The following MAGEC1 variants were observed in gnomAD, a reference collection of about 807,000 sequenced individuals.
MAGEC1 encodes the protein melanoma-associated antigen C1.
In MAGEC1, 3 loss-of-function variants were observed where a neutral mutation model predicts 1.5. The observed-to-expected ratio is 1.97, with a 90% CI of 0.90 to 5.10. The LOEUF is 5.10. Ranked by LOEUF, MAGEC1 falls within the 30% of genes most tolerant of loss-of-function variation. MAGEC1 has a pLI of 0.02. For synonymous variants in MAGEC1, 357 were observed against 310.4 expected (o/e 1.15, Z -1.58); for missense variants, 985 against 803.1 (o/e 1.23, Z -2.74).
chrX:141,904,559 G>A (rs1239225877), intron 1 of MAGEC1, among the ~76,000 whole-genome samples, 158 bp from the exon 2 acceptor site: 1 of 111,226 alleles, frequency 9.0e-6, no homozygotes, highest in Admixed American at 9.5e-5. Context: ...TTTTCCTCAG[G>A]CCAGCAGAGT....
Position 141,907,239 on chromosome X carries a change from C to T in MAGEC1, c.1835C>T (p.Pro612Leu), listed in dbSNP as rs1405190650. 8.3e-7 allele frequency: 1 copy of T among 1,211,127 alleles called. No homozygotes were observed. The highest frequency in any genetic ancestry group is 2.2e-5 in the Admixed American group (1 of 46,043). ...GACTCCATGTCTCCTCTCTACTTTC[C>T]TCAGAGTCCTCTTCAGGGGGAGGAA... is the stretch of plus-strand genomic sequence containing the variant. ...GEDSMSPLYF[P>L]QSPLQGEEFQ... The change falls in exon 4 of 4, where the codon CCT (proline) becomes CTT (leucine). Residue 612 changes from proline (P) to leucine (L), a missense_variant. By Grantham distance (98) the Pro-to-Leu change is moderately conservative. Transcript: ENST00000285879.
At position 141,906,620 on chromosome X, in the gene MAGEC1, TCTC is replaced by T. The variant is rs1926910980; in HGVS notation, c.1220_1222del (p.Pro407del). Reference sequence around the variant, plus strand: ...CAGTACTTTTGAGGGTTTTCCCCAGTCTCCTCTCCAGATTCCTATGACCTCCTC... The same window carrying T: ...CAGTACTTTTGAGGGTTTTCCCCAGTCTCTCCAGATTCCTATGACCTCCTC... On this transcript the variant is annotated inframe_deletion, in exon 4 of 4. Coordinates refer to ENST00000285879, the MANE Select transcript of MAGEC1 (RefSeq NM_005462.5). 1 of 1,193,161 alleles carries T rather than the reference TCTC, an allele frequency of 8.4e-7. No individual in the cohort carries two copies.
rs779629464 is a variant in MAGEC1 at position 141,908,641 on chromosome X, C to T, written c.3237C>T (p.Val1079=). ...FLWGPRAHSE[V]IKRKVVEFLA... Reference sequence around the variant, plus strand: ...GGGGTCCAAGAGCTCATTCAGAAGTCATTAAGAGGAAAGTAGTAGAGTTTT... The same window carrying T: ...GGGGTCCAAGAGCTCATTCAGAAGTTATTAAGAGGAAAGTAGTAGAGTTTT... Residue 1079 remains valine (V), a synonymous_variant, in exon 4 of 4, where the codon GTC becomes GTT. Transcript: ENST00000285879. 7.4e-6 allele frequency: 9 copies of T among 1,211,094 alleles called. No individual in the cohort carries two copies. In the Admixed American group the frequency reaches 1.7e-4, roughly 23 times the overall value.
In MAGEC1 at chrX:141,905,497, C is replaced by T. The variant is rs1478561848; in HGVS notation, c.93C>T (p.Ser31=). 4 of 1,210,172 alleles carry T rather than the reference C, an allele frequency of 3.3e-6. No homozygotes were observed. Among genetic ancestry groups the T allele is most frequent in the Non-Finnish European group, 4.5e-6 (4 of 894,020 alleles). Residue 31 remains serine (S), a synonymous_variant, in exon 4 of 4, where the codon TCC becomes TCT. Transcript: ENST00000285879. ...AGAGTTGTCCTGAGGGGGAGGACTCCCAGTCTCCTCTCCAGATTCCCCAGA... is the reference window on the plus strand; with the variant it reads ...AGAGTTGTCCTGAGGGGGAGGACTCTCAGTCTCCTCTCCAGATTCCCCAGA... ...SPQSCPEGED[S]QSPLQIPQSS...
chrX:141,904,942 C>T lies in MAGEC1; in HGVS notation c.-103-28C>T, dbSNP rs2018167834. 3.9e-6 allele frequency: 4 copies of T among 1,014,130 alleles called. No individual in the cohort carries two copies. In the East Asian group the frequency reaches 9.2e-5, roughly 23 times the overall value. 83.6% of individuals were successfully genotyped at this position (1,014,130 alleles called of 1,213,427 possible). A position where few individuals can be genotyped will look rare whatever the true frequency, so the allele number is the denominator to read the frequency against. On this transcript the variant is annotated intron_variant, in intron 2 of 3. Coordinates refer to ENST00000285879, the MANE Select transcript of MAGEC1 (RefSeq NM_005462.5). ...CAGGCTCTGCCTGCCAGCTGTGCCCCGAGGTGCTTTCTCGCGTCCTTCTAC... is the reference window on the plus strand; with the variant it reads ...CAGGCTCTGCCTGCCAGCTGTGCCCTGAGGTGCTTTCTCGCGTCCTTCTAC...
rs1926941531 is a variant in MAGEC1 at position 141,906,923 on chromosome X, G to A, written c.1519G>A (p.Glu507Lys). 6 of 1,211,847 alleles carry A rather than the reference G, an allele frequency of 5.0e-6. No homozygotes were observed. The highest frequency in any genetic ancestry group is 6.7e-6 in the Non-Finnish European group (6 of 895,530). ...CCCTGAGTGTACTCAAAGTACTTTT[G>A]AGGGTTTTCCCCAGTCTCCTCTCCA... is the stretch of plus-strand genomic sequence containing the variant. Reference protein sequence around the residue: ...SSPECTQSTFEGFPQSPLQIP... With the variant: ...SSPECTQSTFKGFPQSPLQIP... Residue 507 changes from glutamate (E) to lysine (K), a missense_variant, in exon 4 of 4, where the codon GAG becomes AAG. Physicochemically the swap from Glu to Lys is moderately conservative, Grantham distance 56. Transcript: ENST00000285879.
chrX:141,907,064 CAG>C lies in MAGEC1; in HGVS notation c.1661_1662del (p.Gln554ArgfsTer92), dbSNP rs775907182. 173 of 1,200,056 alleles carry C rather than the reference CAG, an allele frequency of 1.4e-4. No homozygotes were observed. The East Asian group carries it at 3.6e-3, about 25-fold the overall frequency. On this transcript the variant is annotated frameshift_variant, in exon 4 of 4. Transcript: ENST00000285879. LOFTEE classifies it low-confidence loss of function (END_TRUNC). ...SPHYFPQSPP[Q>X]GEDSLSPHYF... Reference sequence around the variant, plus strand: ...TCACTACTTTCCTCAGAGCCCTCCTCAGGGGGAGGACTCCCTATCTCCTCACT... The same window carrying C: ...TCACTACTTTCCTCAGAGCCCTCCTCGGGGAGGACTCCCTATCTCCTCACT...
chrX:141,905,221 C>T, intron 3 of MAGEC1, 145 bp downstream of exon 3: 1 of 997,711 alleles, frequency 1.0e-6, no homozygotes, highest in Non-Finnish European at 1.4e-6. Context: ...TTCCACGCCC[C>T]AGCTTTGAGC....
intron 3 of MAGEC1, 111 bp downstream of exon 3, chrX:141,905,187 T>C: frequency 9.2e-7 from 1 of 1,087,023 alleles, no homozygotes; most frequent in South Asian, 1.9e-5. Flanking sequence ...TGAACAATAT[T>C]CATCATGCCT....
At chrX:141,905,308 T>C (rs1419785807) in intron 3 of MAGEC1, 101 bp from the exon 4 acceptor site, 1 of 874,150 alleles carries the variant, frequency 1.1e-6, no homozygotes, top group African/African-American at 2.0e-5. Flanking sequence ...AGGAGGAAGC[T>C]TCCTCCATTT....
In MAGEC1 at chrX:141,909,005, A is replaced by G; in HGVS notation, c.*172A>G. On this transcript the variant is annotated 3_prime_UTR_variant, in exon 4 of 4. Coordinates refer to ENST00000285879, the MANE Select transcript of MAGEC1 (RefSeq NM_005462.5). Reference sequence around the variant, plus strand: ...TGGGTATTTTTCAAATGCTTTTCCTATTAATAACAGGTTTAAATAGCTTCA... The same window carrying G: ...TGGGTATTTTTCAAATGCTTTTCCTGTTAATAACAGGTTTAAATAGCTTCA... 2.7e-6 allele frequency: 1 copy of G among 375,505 alleles called. No homozygotes were observed. The highest frequency in any genetic ancestry group is 4.5e-6 in the Non-Finnish European group (1 of 222,793). The allele number at this position is 375,505 out of a possible 1,213,427, so 30.9% of individuals were successfully genotyped here. A position where few individuals can be genotyped will look rare whatever the true frequency, so the allele number is the denominator to read the frequency against.
In MAGEC1 at chrX:141,907,379, C is replaced by T. The variant is rs1371897109; in HGVS notation, c.1975C>T (p.Pro659Ser). The change falls in exon 4 of 4, where the codon CCT (proline) becomes TCT (serine). Residue 659 changes from proline to serine, a missense_variant. By Grantham distance (74) the Pro-to-Ser change is moderately conservative. Coordinates refer to ENST00000285879, the MANE Select transcript of MAGEC1 (RefSeq NM_005462.5). ...QSPPEGPVQSPLHSPQSPPEG... is the reference protein window; with the variant it reads ...QSPPEGPVQSSLHSPQSPPEG... ...TCCTCCTGAGGGGCCTGTCCAGTCT[C>T]CTCTCCATAGTCCTCAGAGCCCTCC... 8 of 1,204,546 alleles carry T rather than the reference C, an allele frequency of 6.6e-6. No individual in the cohort carries two copies. The highest frequency in any genetic ancestry group is 9.0e-6 in the Non-Finnish European group (8 of 893,232).
rs1926962881 is a variant in MAGEC1, at chrX:141,907,232, T to C, written c.1828T>C (p.Tyr610His). ...GGGGGAGGACTCCATGTCTCCTCTC[T>C]ACTTTCCTCAGAGTCCTCTTCAGGG... ...PQGEDSMSPL[Y>H]FPQSPLQGEE... is the part of the protein sequence containing the mutation. Residue 610 changes from tyrosine (Y) to histidine (H), a missense_variant, in exon 4 of 4, where the codon TAC (tyrosine) becomes CAC (histidine). Coordinates refer to ENST00000285879, the MANE Select transcript of MAGEC1 (RefSeq NM_005462.5). The C allele has an allele frequency of 8.3e-7, 1 of 1,203,332 alleles. No homozygotes were observed. The highest frequency in any genetic ancestry group is 1.1e-6 in the Non-Finnish European group (1 of 892,746).
At chrX:141,905,349 C>G in intron 3 of MAGEC1, 60 bp from the exon 4 acceptor site, 1 of 1,055,536 alleles carries the variant, frequency 9.5e-7, no homozygotes, top group Non-Finnish European at 1.3e-6. Flanking sequence ...TTATTCCCCT[C>G]GTCCTCCTCC....
In MAGEC1 at chrX:141,907,116, G is replaced by C. The variant is rs1214009199; in HGVS notation, c.1712G>C (p.Gly571Ala). 2 of 1,196,894 alleles carry C rather than the reference G, an allele frequency of 1.7e-6. No individual in the cohort carries two copies. The highest frequency in any genetic ancestry group is 3.8e-5 in the African/African-American group (2 of 53,320). Residue 571 changes from glycine to alanine, a missense_variant, in exon 4 of 4, where the codon GGG (glycine) becomes GCG (alanine). Coordinates refer to ENST00000285879, the MANE Select transcript of MAGEC1 (RefSeq NM_005462.5). ...TACTTTCCTCAGAGCCCTCCTCAGG[G>C]GGAGGACTCCCTGTCTCCTCACTAC... ...PHYFPQSPPQ[G>A]EDSLSPHYFP...
At position 141,906,219 on chromosome X, in the gene MAGEC1, T is replaced by G. The variant is rs112112998; in HGVS notation, c.815T>G (p.Val272Gly). ...GCCCAGTCTTCTCTCCAGATTCCTGTGAGCCCCTCCTTCTCCTCCACTTTA... is the reference window on the plus strand; with the variant it reads ...GCCCAGTCTTCTCTCCAGATTCCTGGGAGCCCCTCCTTCTCCTCCACTTTA... ...GFAQSSLQIP[V>G]SPSFSSTLVS... Residue 272 changes from valine to glycine, a missense_variant, in exon 4 of 4, where the codon GTG (valine) becomes GGG (glycine). Physicochemically the swap from Val to Gly is moderately radical, Grantham distance 109. Coordinates refer to ENST00000285879, the MANE Select transcript of MAGEC1 (RefSeq NM_005462.5). 1.6e-4 allele frequency: 149 copies of G among 911,667 alleles called. 15 individuals carry two copies. Among genetic ancestry groups the G allele is most frequent in the East Asian group, 7.5e-4 (22 of 29,519 alleles). The allele number at this position is 911,667 out of a possible 1,213,427, so 75.1% of individuals were successfully genotyped here.
At position 141,905,346 on chromosome X, in the gene MAGEC1, C is replaced by A. The variant is rs2018171886; in HGVS notation, c.5-63C>A. ...TCTTCCTCTTTCCACTTTTTATTCC[C>A]CTCGTCCTCCTCCTGTTTTTCTTTC... is the stretch of plus-strand genomic sequence containing the variant. On this transcript the variant is annotated intron_variant, in intron 3 of 3. Transcript: ENST00000285879. 5.7e-6 allele frequency: 6 copies of A among 1,046,228 alleles called. No homozygotes were observed. The East Asian group carries it at 1.8e-4, about 32-fold the overall frequency. 86.2% of individuals were successfully genotyped at this position (1,046,228 alleles called of 1,213,427 possible).
At position 141,907,661 on chromosome X, in the gene MAGEC1, T is replaced by C; in HGVS notation, c.2257T>C (p.Leu753=). 3.3e-6 allele frequency: 4 copies of C among 1,207,990 alleles called. No homozygotes were observed. The highest frequency in any genetic ancestry group is 4.5e-6 in the Non-Finnish European group (4 of 893,891). The change falls in exon 4 of 4, where the codon TTG becomes CTG. Residue 753 remains leucine, a synonymous_variant. Coordinates refer to ENST00000285879, the MANE Select transcript of MAGEC1 (RefSeq NM_005462.5). ...PVSICSSSTS[L]SLPQSFPESP... is the part of the protein sequence containing the mutation. ...GAGTATCTGCTCCTCCTCCACTTCT[T>C]TGAGTCTTCCCCAGAGTTTCCCTGA...
rs753618304 is a variant in MAGEC1, at chrX:141,908,211, C to T, written c.2807C>T (p.Thr936Met). 33 of 1,209,685 alleles carry T rather than the reference C, an allele frequency of 2.7e-5. No homozygotes were observed. Among genetic ancestry groups the T allele is most frequent in the African/African-American group, 2.1e-4 (12 of 57,080 alleles). Reference sequence around the variant, plus strand: ...CCTATCACAAAGGCAGAGATGCTGACGAATGTCATCAGCAGGTACACGGGC... The same window carrying T: ...CCTATCACAAAGGCAGAGATGCTGATGAATGTCATCAGCAGGTACACGGGC... ...KQPITKAEML[T>M]NVISRYTGYF... is the part of the protein sequence containing the mutation. Residue 936 changes from threonine to methionine, a missense_variant, in exon 4 of 4, where the codon ACG (threonine) becomes ATG (methionine). By Grantham distance (81) the Thr-to-Met change is moderately conservative. Coordinates refer to ENST00000285879, the MANE Select transcript of MAGEC1 (RefSeq NM_005462.5).
Sources: allele counts gnomAD v4.1 joint callset (sites outside exome capture counted in the v4.1 genomes callset), GRCh38; gene constraint gnomAD v4.1.1; transcripts MANE v1.5; gene names NCBI Gene and HGNC (gene_info 2026-07-23, HGNC 2026-07-21).